PFKFB1: variants seen among roughly 807,000 people sequenced by gnomAD.
PFKFB1 encodes 6-phosphofructo-2-kinase/fructose-2,6-biphosphatase 1, also known as 6-phosphofructo-2-kinase/fructose-2,6-bisphosphatase 1.
Under a neutral mutation model 46.4 loss-of-function variants are expected in PFKFB1, and 34 were observed. That is an observed-to-expected ratio of 0.73 (90% CI 0.56 to 0.98). The LOEUF (loss-of-function observed/expected upper bound fraction) is 0.98. Among genes scored for constraint, PFKFB1 ranks in the 50% least tolerant of loss-of-function variants. PFKFB1 has a pLI of 0.00. For synonymous variants in PFKFB1, 119 were observed against 133.8 expected, an observed-to-expected ratio of 0.89 and a Z score of 0.76; for missense variants, 393 against 376.3, an observed-to-expected ratio of 1.04 and a Z score of -0.37.
At chrX:54,972,554 T>C (rs959237225) in intron 1 of PFKFB1, among the ~76,000 whole-genome samples, 40 of 111,789 alleles carry the variant, frequency 3.6e-4, no homozygotes, top group African/African-American at 1.3e-3. Flanking sequence ...TGAAGGGCTG[T>C]TGAATTTTGT....
intron 10 of PFKFB1, among the ~76,000 whole-genome samples, chrX:54,940,420 G>C (rs1027694603): frequency 3.0e-4 from 34 of 111,536 alleles, no homozygotes; most frequent in African/African-American, 1.1e-3. Context: ...AGAAATAAAG[G>C]GCATTCAATT....
intron 10 of PFKFB1, among the ~76,000 whole-genome samples, chrX:54,940,398 C>T (rs1478676776): frequency 9.0e-6 from 1 of 111,523 alleles, no homozygotes; most frequent in Non-Finnish European, 1.9e-5. Context: ...CCAGGGCAGT[C>T]AGGCAGGAGA....
Position 54,963,369 on chromosome X carries a change from C to G in PFKFB1, c.111G>C (p.Gln37His). 1 of 1,210,407 alleles carries G rather than the reference C, an allele frequency of 8.3e-7. No homozygotes were observed. Among genetic ancestry groups the G allele is most frequent in the South Asian group, 1.8e-5 (1 of 56,896 alleles). The change falls in exon 2 of 14, where the codon CAG (glutamine) becomes CAC (histidine). Residue 37 changes from glutamine (Q) to histidine (H), a missense_variant. Physicochemically the swap from Gln to His is conservative, Grantham distance 24. Coordinates refer to ENST00000375006, the MANE Select transcript of PFKFB1 (RefSeq NM_002625.4). Reference sequence around the variant, plus strand: ...TCACCATTGTGGGGGAATTGGTAAACTGGGGTATGGATGCTGAAAAATAAA... The same window carrying G: ...TCACCATTGTGGGGGAATTGGTAAAGTGGGGTATGGATGCTGAAAAATAAA... ...LQRRRGSSIP[Q>H]FTNSPTMVIM...
intron 1 of PFKFB1, among the ~76,000 whole-genome samples, chrX:54,984,774 G>A (rs1487655406): frequency 9.0e-6 from 1 of 111,630 alleles, no homozygotes; most frequent in East Asian, 2.8e-4. Context: ...CTTCAGCTCA[G>A]AATTGCAGAG....
At chrX:54,991,411 T>C (rs1306325482) in intron 1 of PFKFB1, among the ~76,000 whole-genome samples, 1 of 111,331 alleles carries the variant, frequency 9.0e-6, no homozygotes, top group Non-Finnish European at 1.9e-5. Flanking sequence ...TGGAGTGATA[T>C]ACCGTGTTTA....
chrX:54,956,182 G>A lies in PFKFB1; in HGVS notation c.609C>T (p.Asn203=), dbSNP rs1335355482. The change falls in exon 7 of 14, where the codon AAC becomes AAT. Residue 203 remains asparagine (N), a synonymous_variant. Transcript: ENST00000375006. Reference sequence around the variant, plus strand: ...CCAGTTCCTCATCCAAGGGTTGGTAGTTGACCTCATAGCACTCAATTCTCT... The same window carrying A: ...CCAGTTCCTCATCCAAGGGTTGGTAATTGACCTCATAGCACTCAATTCTCT... ...FLKRIECYEV[N]YQPLDEELDS... The A allele has an allele frequency of 4.1e-6, 5 of 1,209,179 alleles. No homozygotes were observed. In the African/African-American group the frequency reaches 6.9e-5, roughly 17 times the overall value.
At chrX:54,973,506 C>G (rs1168614582) in intron 1 of PFKFB1, among the ~76,000 whole-genome samples, 2 of 111,027 alleles carry the variant, frequency 1.8e-5, no homozygotes, top group African/African-American at 6.6e-5. Flanking sequence ...CTACACACTG[C>G]TTTGAATGCG....
At chrX:54,934,222 T>C (rs1933313827) in intron 12 of PFKFB1, among the ~76,000 whole-genome samples, 1 of 112,103 alleles carries the variant, frequency 8.9e-6, no homozygotes, top group Non-Finnish European at 1.9e-5. Context: ...GTCTCATCTA[T>C]GTAATATTGA....
At chrX:54,980,452 G>A (rs1177034237) in intron 1 of PFKFB1, among the ~76,000 whole-genome samples, 3 of 110,395 alleles carry the variant, frequency 2.7e-5, no homozygotes, top group African/African-American at 6.6e-5. Flanking sequence ...GAGATAGCAC[G>A]TATAGAAGAT....
At chrX:54,969,334 A>G (rs2146650835) in intron 1 of PFKFB1, among the ~76,000 whole-genome samples, 1 of 111,171 alleles carries the variant, frequency 9.0e-6, no homozygotes, top group East Asian at 2.9e-4. Context: ...TGGCCCCCAC[A>G]CTCGCATGCA....
upstream of PFKFB1, among the ~76,000 whole-genome samples, chrX:54,997,333 G>GA (rs1935372321): frequency 9.0e-6 from 1 of 111,716 alleles, no homozygotes; most frequent in African/African-American, 3.3e-5. Context: ...ACTCGTGGCA[G>GA]AGAAAGGGTT....
At chrX:54,935,420 G>A (rs1933356650) in intron 11 of PFKFB1, among the ~76,000 whole-genome samples, 1 of 112,243 alleles carries the variant, frequency 8.9e-6, no homozygotes, top group African/African-American at 3.2e-5. Flanking sequence ...CTGTGGCAGT[G>A]GACAGCTCCC....
intron 10 of PFKFB1, among the ~76,000 whole-genome samples, chrX:54,942,325 T>C (rs923360541): frequency 1.8e-5 from 2 of 111,333 alleles, no homozygotes; most frequent in African/African-American, 6.5e-5. Flanking sequence ...CACACCAGCA[T>C]GGCACATGTA....
chrX:54,993,471 A>G, intron 1 of PFKFB1, among the ~76,000 whole-genome samples: 1 of 111,658 alleles, frequency 9.0e-6, no homozygotes, highest in African/African-American at 3.3e-5. Context: ...CTGTCCCCTG[A>G]AAGATGATGC....
intron 1 of PFKFB1, among the ~76,000 whole-genome samples, chrX:54,993,244 A>G (rs1404316732): frequency 1.8e-5 from 2 of 112,258 alleles, no homozygotes; most frequent in African/African-American, 6.5e-5. Context: ...ATCTTTCTTA[A>G]ATTTCCAAAG....
chrX:54,982,625 G>A (rs1439673091), intron 1 of PFKFB1, among the ~76,000 whole-genome samples: 3 of 111,745 alleles, frequency 2.7e-5, no homozygotes, highest in Non-Finnish European at 3.8e-5. Flanking sequence ...ATATGTGTAA[G>A]TTATATGCAA....
At chrX:54,973,517 T>C (rs1424138798) in intron 1 of PFKFB1, among the ~76,000 whole-genome samples, 1 of 111,352 alleles carries the variant, frequency 9.0e-6, no homozygotes, top group Non-Finnish European at 1.9e-5. Context: ...TTTGAATGCG[T>C]CCCAGAGATT....
At chrX:54,965,071 A>G (rs1934437779) in intron 1 of PFKFB1, among the ~76,000 whole-genome samples, 1 of 111,854 alleles carries the variant, frequency 8.9e-6, no homozygotes, top group African/African-American at 3.2e-5. Flanking sequence ...AGTATAACAT[A>G]TACGTATTTA....
chrX:54,959,390 C>T (rs1407052029), intron 4 of PFKFB1, among the ~76,000 whole-genome samples: 3 of 112,204 alleles, frequency 2.7e-5, no homozygotes, highest in African/African-American at 3.2e-5. Context: ...TGAGAATCTC[C>T]TCCCCTTTTA....
Sources: allele counts gnomAD v4.1 joint callset (sites outside exome capture counted in the v4.1 genomes callset), GRCh38; gene constraint gnomAD v4.1.1; transcripts MANE v1.5; gene names NCBI Gene and HGNC (gene_info 2026-07-23, HGNC 2026-07-21).